NIPBL: variants seen among roughly 807,000 people sequenced by gnomAD.
The protein encoded by NIPBL is nipped-B-like protein.
NIPBL carries 19 observed loss-of-function variants against 321.8 expected under a neutral mutation model. The observed-to-expected ratio is 0.06, with a 90% CI of 0.04 to 0.09. The LOEUF (loss-of-function observed/expected upper bound fraction) is 0.09, where lower values mean the gene tolerates loss of function less well. Ranked by LOEUF, NIPBL falls within the 10% of genes least tolerant of loss-of-function variation. NIPBL has a pLI of 1.00. For synonymous variants in NIPBL, 1,106 were observed against 1,114.1 expected (o/e 0.99, Z 0.14); for missense variants, 2,210 against 3,327.0 (o/e 0.66, Z 8.26).
At chr5:36,916,622 G>A (rs1189211613) in intron 1 of NIPBL, among the ~76,000 whole-genome samples, 2 of 151,938 alleles carry the variant, frequency 1.3e-5, no homozygotes, top group Non-Finnish European at 2.9e-5. Context: ...TTTACATTAG[G>A]TATATCTCCT....
rs117027867 is a variant in NIPBL, at chr5:37,061,336, C to T, written c.7860+318C>T. Among the ~76,000 whole-genome samples the T allele has an allele frequency of 7.5e-4, 114 of 152,102 alleles. 2 individuals carry two copies. The East Asian group carries it at 0.021, about 28-fold the overall frequency. ...GTATCTGCGGGAAATTGGTTCCAGT[C>T]CCCCCATGGATACCCAAATCCTCCG... On this transcript the variant is annotated intron_variant, in intron 45 of 46. Coordinates refer to ENST00000282516, the MANE Select transcript of NIPBL (RefSeq NM_133433.4).
Position 36,970,951 on chromosome 5 carries a change from G to T in NIPBL, c.686G>T (p.Gly229Val). 6.2e-7 allele frequency: 1 copy of T among 1,613,594 alleles called. No individual in the cohort carries two copies. Among genetic ancestry groups the T allele is most frequent in the Non-Finnish European group, 8.5e-7 (1 of 1,179,660 alleles). Residue 229 changes from glycine to valine, a missense_variant, in exon 7 of 47, where the codon GGC (glycine) becomes GTC (valine). Around this residue, in one of 14 missense-constraint regions of NIPBL, gnomAD observed 464 missense variants for 529.5 expected, o/e 0.88. Transcript: ENST00000282516. ...HDNKVSGPLS[G>V]NSANHHADNP... ...AATAAAGTTTCTGGTCCGTTGTCTGGCAATTCAGCTAATCATCATGCTGAT... is the reference window on the plus strand; with the variant it reads ...AATAAAGTTTCTGGTCCGTTGTCTGTCAATTCAGCTAATCATCATGCTGAT...
rs1169293016 is a variant in NIPBL, at chr5:36,984,661, A to G, written c.1496-15A>G. The G allele has an allele frequency of 1.9e-6, 3 of 1,601,964 alleles. No homozygotes were observed. The highest frequency in any genetic ancestry group is 2.6e-6 in the Non-Finnish European group (3 of 1,172,864). On this transcript the variant is annotated splice_polypyrimidine_tract_variant and intron_variant, in intron 9 of 46. Transcript: ENST00000282516. Reference sequence around the variant, plus strand: ...ATGTCTATTACTGATATTGATATTTATCTTTAAATTTCAGATAAGCCTTTG... The same window carrying G: ...ATGTCTATTACTGATATTGATATTTGTCTTTAAATTTCAGATAAGCCTTTG...
intron 45 of NIPBL, among the ~76,000 whole-genome samples, chr5:37,061,308 C>T (rs972088573): frequency 6.6e-6 from 1 of 152,142 alleles, no homozygotes; most frequent in Non-Finnish European, 1.5e-5. Context: ...TAGTTGTCCC[C>T]TGGTATCTGC....
intron 39 of NIPBL, 66 bp from the exon 40 acceptor site, chr5:37,049,045 T>G: frequency 1.3e-6 from 2 of 1,542,150 alleles, no homozygotes; most frequent in Non-Finnish European, 1.8e-6. Context: ...GGCCTAATTT[T>G]GAAATATTTA....
chr5:37,000,546 TCTC>T lies in NIPBL; in HGVS notation c.3486_3488del (p.Pro1163del), dbSNP rs750517408. The T allele has an allele frequency of 3.0e-5, 49 of 1,613,234 alleles. No homozygotes were observed. Among genetic ancestry groups the T allele is most frequent in the Non-Finnish European group, 3.5e-5 (41 of 1,179,484 alleles). On this transcript the variant is annotated inframe_deletion, in exon 12 of 47. Coordinates refer to ENST00000282516, the MANE Select transcript of NIPBL (RefSeq NM_133433.4). ...GTCAGATTCTGACATGGAAGATTATTCTCCTCCTCCCAGCCTTAGTGAGGGTAA... is the reference window on the plus strand; with the variant it reads ...GTCAGATTCTGACATGGAAGATTATTCTCCTCCCAGCCTTAGTGAGGGTAA...
chr5:37,030,186 C>A (rs1401275706), intron 32 of NIPBL, among the ~76,000 whole-genome samples: 1 of 152,158 alleles, frequency 6.6e-6, no homozygotes, highest in Non-Finnish European at 1.5e-5. Context: ...TTTACTTGTA[C>A]ATTCTTTGTA....
chr5:37,041,916 A>G (rs16903469), intron 34 of NIPBL, among the ~76,000 whole-genome samples: 17,515 of 151,852 alleles, frequency 0.12, 1,122 homozygotes, highest in Admixed American at 0.18. Flanking sequence ...TCTCAAATGA[A>G]TATCTTACCC....
Position 36,996,317 on chromosome 5 carries a change from A to G in NIPBL, c.3304+513A>G. The stretch of plus-strand genomic sequence containing the variant: ...TTGAGTTGAGTCTTGAAGGACACGT[A>G]GGAGATAGCCAGATGAAGAAATATT... On this transcript the variant is annotated intron_variant, in intron 11 of 46. Transcript: ENST00000282516. The surrounding 1 kb of genome is among the most constrained non-coding windows in gnomAD (Gnocchi z 5.0). Among the ~76,000 whole-genome samples, 1 of 152,182 alleles carries G rather than the reference A, an allele frequency of 6.6e-6. No individual in the cohort carries two copies. The highest frequency in any genetic ancestry group is 6.5e-5 in the Admixed American group (1 of 15,272).
chr5:37,046,084 C>CT (rs1561207852), intron 37 of NIPBL, 25 bp from the exon 38 acceptor site: 1 of 1,178,326 alleles, frequency 8.5e-7, no homozygotes, highest in South Asian at 1.2e-5. Flanking sequence ...TTCATGAACA[C>CT]TTTAATGTGT....
At chr5:37,033,993 T>C (rs1000961138) in intron 32 of NIPBL, among the ~76,000 whole-genome samples, 1 of 151,900 alleles carries the variant, frequency 6.6e-6, no homozygotes, top group South Asian at 2.1e-4. Context: ...TTGGCACATA[T>C]ATAACCAACA....
At chr5:36,983,898 C>T (rs994620687) in intron 9 of NIPBL, among the ~76,000 whole-genome samples, 5 of 151,894 alleles carry the variant, frequency 3.3e-5, no homozygotes, top group Admixed American at 6.6e-5. Context: ...AACTTTATAT[C>T]GAAGAGTAGG....
intron 27 of NIPBL, 89 bp downstream of exon 27, chr5:37,020,966 A>G (rs1749558050): frequency 1.1e-6 from 1 of 925,918 alleles, no homozygotes; most frequent in South Asian, 1.3e-5. Context: ...TTCATTGTTG[A>G]GTACAGATAC....
At position 36,991,332 on chromosome 5, in the gene NIPBL, A is replaced by G. The variant is rs567598475; in HGVS notation, c.3122-4290A>G. On this transcript the variant is annotated intron_variant, in intron 10 of 46. Coordinates refer to ENST00000282516, the MANE Select transcript of NIPBL (RefSeq NM_133433.4). ...AGACAAAAATGAATGTTGTTATAGT[A>G]AAAGCTAAAGTATGTCTGATTTTTT... Among the ~76,000 whole-genome samples the G allele has an allele frequency of 3.3e-5, 5 of 152,278 alleles. No homozygotes were observed. The East Asian group carries it at 9.6e-4, about 29-fold the overall frequency.
rs1486037655 is a variant in NIPBL, at chr5:37,010,198, T to A, written c.4533T>A (p.Ser1511=). The change falls in exon 21 of 47, where the codon TCT becomes TCA. Residue 1511 remains serine, a synonymous_variant. Coordinates refer to ENST00000282516, the MANE Select transcript of NIPBL (RefSeq NM_133433.4). The part of the protein sequence containing the change: ...VVHLPSSEKD[S]NAEEDSNKKI... ...ACTTACCATCATCAGAGAAGGACTCTAATGCAGAAGAAGATTCAAATAAAA... is the reference window on the plus strand; with the variant it reads ...ACTTACCATCATCAGAGAAGGACTCAAATGCAGAAGAAGATTCAAATAAAA... The A allele has an allele frequency of 3.1e-6, 5 of 1,610,346 alleles. No homozygotes were observed. The highest frequency in any genetic ancestry group is 4.2e-6 in the Non-Finnish European group (5 of 1,176,708).
chr5:37,037,656 C>CT (rs1293247505), intron 33 of NIPBL, among the ~76,000 whole-genome samples: 1 of 144,846 alleles, frequency 6.9e-6, no homozygotes, highest in Non-Finnish European at 1.5e-5. Flanking sequence ...ATGTGTACCT[C>CT]TTTTTTTTCT....
Position 37,024,577 on chromosome 5 carries a change from G to C in NIPBL, c.5575-8G>C, listed in dbSNP as rs372461988. On this transcript the variant is annotated splice_polypyrimidine_tract_variant and splice_region_variant and intron_variant, in intron 29 of 46. Coordinates refer to ENST00000282516, the MANE Select transcript of NIPBL (RefSeq NM_133433.4). ...TTCTGACTCTTAAAAATACCTTTCT[G>C]TTTTTAGGATACTGGTATCAGTGTC... The C allele has an allele frequency of 4.4e-6, 7 of 1,597,342 alleles. No individual in the cohort carries two copies. Among genetic ancestry groups the C allele is most frequent in the Non-Finnish European group, 5.1e-6 (6 of 1,167,356 alleles).
chr5:36,984,952 C>T lies in NIPBL; in HGVS notation c.1772C>T (p.Ser591Phe). Residue 591 changes from serine (S) to phenylalanine (F), a missense_variant, in exon 10 of 47, where the codon TCT becomes TTT. Physicochemically the swap from Ser to Phe is radical, Grantham distance 155. Transcript: ENST00000282516. ...GAAGATATTGTTGGAAGTCTTAAAT[C>T]TACACCAGAAAACCATCCTGAGACA... ...LQEDIVGSLK[S>F]TPENHPETPK... The T allele has an allele frequency of 6.2e-7, 1 of 1,613,818 alleles. No individual in the cohort carries two copies. Among genetic ancestry groups the T allele is most frequent in the Non-Finnish European group, 8.5e-7 (1 of 1,179,914 alleles).
chr5:36,918,315 G>A (rs1748636777), intron 1 of NIPBL, among the ~76,000 whole-genome samples: 1 of 151,948 alleles, frequency 6.6e-6, no homozygotes, highest in Admixed American at 6.6e-5. Context: ...TCATGATTTG[G>A]CTCTCTGTTT....
Sources: gnomAD v4.1 joint callset for allele counts (sites outside exome capture counted in the v4.1 genomes callset) on GRCh38, gnomAD v4.1.1 for gene constraint, gnomAD v4.1.1 regional missense constraint, Gnocchi (gnomAD v3.1) non-coding constraint, MANE v1.5 for transcripts, NCBI Gene and HGNC (gene_info 2026-07-23, HGNC 2026-07-21) for gene names.